Variants in HAL observed in about 807,000 individuals in gnomAD.
HAL encodes histidine ammonia-lyase, also known as histidase.
In HAL, 85 loss-of-function variants were observed where a neutral mutation model predicts 81.1. The ratio of observed to expected loss-of-function variants is 1.05; its 90% confidence interval spans 0.88 to 1.25. The LOEUF is 1.25. Among genes scored for constraint, HAL ranks in the 50% most tolerant of loss-of-function variants. The pLI, the probability that HAL is intolerant of heterozygous loss-of-function variation, is 0.00. For missense variants in HAL, 798 were observed against 836.6 expected (o/e 0.95, Z 0.57); for synonymous variants, 301 against 309.2 (o/e 0.97, Z 0.28).
At chr12:95,978,554 G>A (rs1322626367) in intron 17 of HAL, among the ~76,000 whole-genome samples, 2 of 152,134 alleles carry the variant, frequency 1.3e-5, no homozygotes, top group Non-Finnish European at 2.9e-5. Context: ...ACAGGGGCTC[G>A]ATGACTGCCA....
rs375395536 is a variant in HAL at position 95,976,517 on chromosome 12, C to T, written c.1764-19G>A. ...CCAGGGCCTACAGGGAGAGCACATC[C>T]GCCCATCAGCCAAACATGAAACCCT... On this transcript the variant is annotated intron_variant, in intron 19 of 20. Transcript: ENST00000261208. 2.7e-5 allele frequency: 44 copies of T among 1,612,494 alleles called. No individual in the cohort carries two copies. Among genetic ancestry groups the T allele is most frequent in the African/African-American group, 8.0e-5 (6 of 74,892 alleles).
At chr12:95,974,867 G>A (rs182951047) in intron 20 of HAL, among the ~76,000 whole-genome samples, 1 of 152,254 alleles carries the variant, frequency 6.6e-6, no homozygotes, top group Non-Finnish European at 1.5e-5. Context: ...AGCCTCCTGA[G>A]TAGCTGGGAT....
chr12:95,993,222 T>A (rs539949714), intron 8 of HAL, among the ~76,000 whole-genome samples: 1 of 152,334 alleles, frequency 6.6e-6, no homozygotes, highest in Non-Finnish European at 1.5e-5. Flanking sequence ...AGTGTCTCCA[T>A]GGCATGGGAC....
At chr12:95,981,536 G>A (rs1449117224) in intron 15 of HAL, among the ~76,000 whole-genome samples, 1 of 152,208 alleles carries the variant, frequency 6.6e-6, no homozygotes, top group East Asian at 1.9e-4. Flanking sequence ...TCGGCTCACT[G>A]CGACCTCTGC....
chr12:95,985,424 T>C (rs937796470), intron 14 of HAL, among the ~76,000 whole-genome samples: 4 of 151,956 alleles, frequency 2.6e-5, no homozygotes, highest in African/African-American at 9.7e-5. Context: ...TGAGACCCCA[T>C]CTCTACTAAA....
Position 95,988,246 on chromosome 12 carries a change from G to T in HAL, c.856-6C>A. 1 of 1,448,796 alleles carries T rather than the reference G, an allele frequency of 6.9e-7. No homozygotes were observed. Among genetic ancestry groups the T allele is most frequent in the Non-Finnish European group, 9.7e-7 (1 of 1,030,076 alleles). 89.7% of individuals were successfully genotyped at this position (1,448,796 alleles called of 1,614,324 possible). A position where few individuals can be genotyped will look rare whatever the true frequency, so the allele number is the denominator to read the frequency against. ...AATCCATGGGCTTCTAGCACCTATAGAATGATTAAAAATATGAAAATGGGT... is the reference window on the plus strand; with the variant it reads ...AATCCATGGGCTTCTAGCACCTATATAATGATTAAAAATATGAAAATGGGT... On this transcript the variant is annotated splice_polypyrimidine_tract_variant and splice_region_variant and intron_variant, in intron 10 of 20. Coordinates refer to ENST00000261208, the MANE Select transcript of HAL (RefSeq NM_002108.4).
In HAL at chr12:95,976,450, G is replaced by C; in HGVS notation, c.1812C>G (p.His604Gln). Residue 604 changes from histidine to glutamine, a missense_variant, in exon 20 of 21, where the codon CAC (histidine) becomes CAG (glutamine). Coordinates refer to ENST00000261208, the MANE Select transcript of HAL (RefSeq NM_002108.4). Reference protein sequence around the residue: ...RFMAPDIEAAHRLLLEQKVWE... With the variant: ...RFMAPDIEAAQRLLLEQKVWE... ...TTGCCTTCTGCTCCAGGAGCAGCCT[G>C]TGGGCTGCCTCGATGTCCGGGGCCA... is the stretch of plus-strand genomic sequence containing the variant. 1 of 1,613,724 alleles carries C rather than the reference G, an allele frequency of 6.2e-7. No individual in the cohort carries two copies. Among genetic ancestry groups the C allele is most frequent in the Non-Finnish European group, 8.5e-7 (1 of 1,179,600 alleles).
In HAL at chr12:95,988,195, C is replaced by G; in HGVS notation, c.901G>C (p.Glu301Gln). The G allele has an allele frequency of 6.8e-7, 1 of 1,470,102 alleles. No individual in the cohort carries two copies. The highest frequency in any genetic ancestry group is 9.5e-7 in the Non-Finnish European group (1 of 1,048,878). 91.1% of individuals were successfully genotyped at this position (1,470,102 alleles called of 1,614,324 possible). The change falls in exon 11 of 21, where the codon GAG becomes CAG. Residue 301 changes from glutamate (E) to glutamine (Q), a missense_variant and splice_region_variant. Physicochemically the swap from Glu to Gln is conservative, Grantham distance 29 (BLOSUM62 2). Coordinates refer to ENST00000261208, the MANE Select transcript of HAL (RefSeq NM_002108.4). ...GLKPVILKPK[E>Q]GLALINGTQM... ...ATATTTTTCTTGAGTTTCCTTACCT[C>G]TTTTGGTTTTAAAATAACTGGTTTC...
intron 15 of HAL, among the ~76,000 whole-genome samples, chr12:95,982,456 C>T (rs1159272531): frequency 6.6e-6 from 1 of 152,166 alleles, no homozygotes; most frequent in Admixed American, 6.5e-5. Context: ...CCTTTAAAAG[C>T]AATGATGTAA....
At chr12:95,974,436 A>G (rs763396241) in intron 20 of HAL, 64 bp from the exon 21 acceptor site, 4 of 1,416,924 alleles carry the variant, frequency 2.8e-6, no homozygotes, top group Non-Finnish European at 4.0e-6. Context: ...GCTATTAAAC[A>G]TCAACTTCAT....
chr12:95,974,339 A>C lies in HAL; in HGVS notation c.1867T>G (p.Tyr623Asp), dbSNP rs777205930. The change falls in exon 21 of 21, where the codon TAC becomes GAC. Residue 623 changes from tyrosine (Y) to aspartate (D), a missense_variant. Tyr to Asp is a radical substitution (Grantham distance 160). Coordinates refer to ENST00000261208, the MANE Select transcript of HAL (RefSeq NM_002108.4). ...GATTCTGGAATATGCTCCATTCTGTATTTTTCAATGTATGGAGCAGCTACT... is the reference window on the plus strand; with the variant it reads ...GATTCTGGAATATGCTCCATTCTGTCTTTTTCAATGTATGGAGCAGCTACT... ...WEVAAPYIEK[Y>D]RMEHIPESRP... 1.9e-6 allele frequency: 3 copies of C among 1,612,644 alleles called. No homozygotes were observed. The East Asian group carries it at 6.7e-5, about 36-fold the overall frequency.
At position 95,985,920 on chromosome 12, in the gene HAL, G is replaced by A; in HGVS notation, c.1194C>T (p.Arg398=). 4 of 1,608,184 alleles carry A rather than the reference G, an allele frequency of 2.5e-6. No individual in the cohort carries two copies. The highest frequency in any genetic ancestry group is 3.4e-6 in the Non-Finnish European group (4 of 1,175,300). ...TTCTTTATTTTACCTGTGGACAGCA[G>A]CGCAAGGTGTATGCATCCTGGACGC... is the stretch of plus-strand genomic sequence containing the variant. ...CDRVQDAYTL[R]CCPQVHGVVN... The change falls in exon 14 of 21, where the codon CGC becomes CGT. Residue 398 remains arginine, a synonymous_variant. Coordinates refer to ENST00000261208, the MANE Select transcript of HAL (RefSeq NM_002108.4).
chr12:95,985,887 T>A, intron 14 of HAL, 21 bp downstream of exon 14: 1 of 1,547,376 alleles, frequency 6.5e-7, no homozygotes, highest in Non-Finnish European at 8.9e-7. Context: ...TTATTGACCT[T>A]TTTTTTTTTC....
intron 4 of HAL, 121 bp downstream of exon 4, chr12:95,994,677 A>T: frequency 3.0e-6 from 3 of 1,001,530 alleles, no homozygotes; most frequent in South Asian, 2.6e-5. Context: ...GACATGAGTC[A>T]CTGCTCCCGG....
intron 15 of HAL, among the ~76,000 whole-genome samples, chr12:95,983,047 CAA>C (rs1175269556): frequency 2.6e-5 from 4 of 152,156 alleles, no homozygotes; most frequent in Non-Finnish European, 1.5e-5. Flanking sequence ...TTTCTTTGAA[CAA>C]ACGCAAAAGC....
At chr12:95,984,096 C>G in intron 14 of HAL, 105 bp from the exon 15 acceptor site, 1 of 695,188 alleles carries the variant, frequency 1.4e-6, no homozygotes, top group East Asian at 2.7e-5. Context: ...ATAAAGAATA[C>G]AGAAGATCTT....
At position 95,974,136 on chromosome 12, in the gene HAL, A is replaced by C; in HGVS notation, c.*96T>G. The C allele has an allele frequency of 9.6e-7, 1 of 1,037,974 alleles. No homozygotes were observed. Among genetic ancestry groups the C allele is most frequent in the East Asian group, 2.4e-5 (1 of 42,286 alleles). 64.3% of individuals were successfully genotyped at this position (1,037,974 alleles called of 1,614,324 possible). ...AAGAACTGAATGATACAATGGATTGATCTACCTAGGAAAGTTCTCAGGTCT... is the reference window on the plus strand; with the variant it reads ...AAGAACTGAATGATACAATGGATTGCTCTACCTAGGAAAGTTCTCAGGTCT... On this transcript the variant is annotated 3_prime_UTR_variant, in exon 21 of 21. Transcript: ENST00000261208.
rs141635447 is a variant in HAL at position 95,980,603 on chromosome 12, C to A, written c.1472G>T (p.Gly491Val). The change falls in exon 17 of 21, where the codon GGT becomes GTT. Residue 491 changes from glycine to valine, a missense_variant. Coordinates refer to ENST00000261208, the MANE Select transcript of HAL (RefSeq NM_002108.4). ...ELPAFLVAEG[G>V]LNSGFMIAHC... ...AGCTATCATGAACCCAGAGTTCAGA[C>A]CACCTTCAGCCACCAGGAAGGCAGG... is the stretch of plus-strand genomic sequence containing the variant. 6.0e-4 allele frequency: 970 copies of A among 1,614,060 alleles called. 1 individual carries two copies. The highest frequency in any genetic ancestry group is 6.4e-4 in the Non-Finnish European group (752 of 1,179,998).
Position 95,996,124 on chromosome 12 carries a change from G to T in HAL, c.-128C>A. The T allele has an allele frequency of 1.7e-6, 1 of 582,144 alleles. No homozygotes were observed. The highest frequency in any genetic ancestry group is 3.1e-6 in the Non-Finnish European group (1 of 319,542). 36.1% of individuals were successfully genotyped at this position (582,144 alleles called of 1,614,324 possible). Reference sequence around the variant, plus strand: ...TAGCCGAGCAGGGGCAGGAGCAGGGGATGCAGACGGGTGAGCCTCCTGTCC... The same window carrying T: ...TAGCCGAGCAGGGGCAGGAGCAGGGTATGCAGACGGGTGAGCCTCCTGTCC... On this transcript the variant is annotated 5_prime_UTR_variant, in exon 1 of 21. Coordinates refer to ENST00000261208, the MANE Select transcript of HAL (RefSeq NM_002108.4).
Sources: allele counts gnomAD v4.1 joint callset (sites outside exome capture counted in the v4.1 genomes callset), GRCh38; gene constraint gnomAD v4.1.1; transcripts MANE v1.5; gene names NCBI Gene and HGNC (gene_info 2026-07-23, HGNC 2026-07-21).